Variants in SEC23B observed in about 807,000 individuals in gnomAD.
SEC23B encodes protein transport protein Sec23B.
In SEC23B, 77 loss-of-function variants were observed where a neutral mutation model predicts 104.3. The ratio of observed to expected loss-of-function variants is 0.74; its 90% CI spans 0.61 to 0.89. SEC23B has a LOEUF of 0.89. SEC23B is among the 40% of genes least tolerant of loss of function. The probability of loss-of-function intolerance (pLI) is 0.00; values close to 1 mark genes in which losing one functional copy is unlikely to be tolerated. For synonymous variants in SEC23B, 338 were observed against 332.5 expected, an observed-to-expected ratio of 1.02 and a Z score of -0.18; for missense variants, 885 against 949.4, an observed-to-expected ratio of 0.93 and a Z score of 0.89.
At chr20:18,523,222 G>T (rs1196818640) in intron 4 of SEC23B, among the ~76,000 whole-genome samples, 1 of 151,864 alleles carries the variant, frequency 6.6e-6, no homozygotes, top group Non-Finnish European at 1.5e-5. Flanking sequence ...TCAGCCCAGT[G>T]GGCCTCTTTG....
intron 7 of SEC23B, 91 bp downstream of exon 7, chr20:18,526,023 C>T (rs2060130981): frequency 7.2e-7 from 1 of 1,389,154 alleles, no homozygotes; most frequent in Non-Finnish European, 1.0e-6. Flanking sequence ...CACTTGTGAT[C>T]TAAGTCAACC....
At position 18,543,184 on chromosome 20, in the gene SEC23B, A is replaced by C. The variant is rs746268063; in HGVS notation, c.1665+12A>C. ...AACTCATCCGACTGGTAAATTGGGG[A>C]CAGTGGCATTAGGTTCAGTCTTGGT... On this transcript the variant is annotated intron_variant, in intron 14 of 19. Transcript: ENST00000650089. The C allele has an allele frequency of 6.2e-7, 1 of 1,614,060 alleles. No homozygotes were observed. The highest frequency in any genetic ancestry group is 1.3e-5 in the African/African-American group (1 of 74,922).
intron 6 of SEC23B, among the ~76,000 whole-genome samples, chr20:18,525,459 A>G (rs1301557363): frequency 1.3e-5 from 2 of 152,214 alleles, no homozygotes; most frequent in Non-Finnish European, 2.9e-5. Context: ...GTCCACATAA[A>G]TGGACCTCAC....
intron 19 of SEC23B, among the ~76,000 whole-genome samples, chr20:18,559,083 G>GA (rs1196931748): frequency 6.6e-6 from 1 of 151,352 alleles, no homozygotes; most frequent in Non-Finnish European, 1.5e-5. Flanking sequence ...TGGTTGGTGG[G>GA]GGGGGTGTCG....
chr20:18,532,862 A>G (rs1031214913), intron 11 of SEC23B, 118 bp downstream of exon 11: 1 of 761,262 alleles, frequency 1.3e-6, no homozygotes, highest in Admixed American at 2.0e-5. Context: ...TGACAGGAGA[A>G]GGGCTAACCC....
At chr20:18,508,586 C>T (rs1398015059) in intron 1 of SEC23B, among the ~76,000 whole-genome samples, 1 of 152,126 alleles carries the variant, frequency 6.6e-6, no homozygotes, top group African/African-American at 2.4e-5. Context: ...CTTCTATAGT[C>T]CCCTTGGATT....
chr20:18,512,538 T>C (rs564383325), intron 3 of SEC23B, among the ~76,000 whole-genome samples: 1 of 152,350 alleles, frequency 6.6e-6, no homozygotes, highest in Non-Finnish European at 1.5e-5. Flanking sequence ...ACACATTTTC[T>C]GTAGGCAGTG....
chr20:18,509,429 C>T (rs2059961831), intron 1 of SEC23B, among the ~76,000 whole-genome samples: 1 of 152,134 alleles, frequency 6.6e-6, no homozygotes, highest in South Asian at 2.1e-4. Flanking sequence ...CTTTAATTTG[C>T]CTTTTTACTA....
At chr20:18,554,475 AT>A in intron 18 of SEC23B, 85 bp downstream of exon 18, 1 of 1,480,546 alleles carries the variant, frequency 6.8e-7, no homozygotes, top group Non-Finnish European at 9.4e-7. Context: ...GATGGTTAAT[AT>A]TTTATGTGAT....
intron 10 of SEC23B, 25 bp from the exon 11 acceptor site, chr20:18,532,639 T>G: frequency 6.4e-7 from 1 of 1,558,422 alleles, no homozygotes. Context: ...ATCTTTAACT[T>G]TACACTGTCA....
intron 4 of SEC23B, among the ~76,000 whole-genome samples, chr20:18,520,470 C>T (rs910723784): frequency 2.0e-5 from 3 of 151,800 alleles, no homozygotes; most frequent in Non-Finnish European, 2.9e-5. Flanking sequence ...GAGGAGGATG[C>T]GAAGGAGGCT....
At chr20:18,535,374 C>A (rs1222024041) in intron 11 of SEC23B, among the ~76,000 whole-genome samples, 7 of 151,448 alleles carry the variant, frequency 4.6e-5, no homozygotes. Flanking sequence ...GAGACCATCT[C>A]AAAATAAATA....
intron 3 of SEC23B, 125 bp downstream of exon 3, chr20:18,512,407 A>G: frequency 3.1e-6 from 2 of 644,822 alleles, no homozygotes; most frequent in Non-Finnish European, 5.6e-6. Context: ...CAGGGTGATA[A>G]CTTTTGTTAA....
chr20:18,552,268 ACTC>A (rs1200002737), intron 17 of SEC23B, among the ~76,000 whole-genome samples: 14 of 152,160 alleles, frequency 9.2e-5, no homozygotes, highest in Non-Finnish European at 1.5e-4. Flanking sequence ...GTTTTCTAAT[ACTC>A]CTAAGTATTT....
intron 1 of SEC23B, chr20:18,509,607 T>C (rs1030656590): frequency 1.3e-5 from 2 of 152,210 alleles, no homozygotes; most frequent in African/African-American, 4.8e-5. Flanking sequence ...CATTTTTTTT[T>C]TGAAACAGAG....
Position 18,510,832 on chromosome 20 carries a change from G to T in SEC23B, c.-4G>T. 1 of 1,613,286 alleles carries T rather than the reference G, an allele frequency of 6.2e-7. No homozygotes were observed. On this transcript the variant is annotated 5_prime_UTR_variant, in exon 2 of 20. Transcript: ENST00000650089. ...AAGTTTTATCTTCAGTTCCCTTTTA[G>T]ACTATGGCGACATACCTGGAGTTCA...
intron 14 of SEC23B, among the ~76,000 whole-genome samples, 173 bp downstream of exon 14, chr20:18,543,345 T>C (rs2060306147): frequency 6.6e-6 from 1 of 152,212 alleles, no homozygotes; most frequent in Non-Finnish European, 1.5e-5. Flanking sequence ...CATTTTCCCC[T>C]CAGAGATTTA....
chr20:18,529,358 G>T (rs1219628716), intron 9 of SEC23B, among the ~76,000 whole-genome samples: 2 of 152,226 alleles, frequency 1.3e-5, no homozygotes, highest in Non-Finnish European at 2.9e-5. Flanking sequence ...AGCTTGGGGA[G>T]GAAGCTCCCA....
chr20:18,535,771 T>A (rs997565820), intron 12 of SEC23B, 29 bp downstream of exon 12: 4 of 1,504,816 alleles, frequency 2.7e-6, no homozygotes, highest in Non-Finnish European at 3.7e-6. Flanking sequence ...CATGTCTTCA[T>A]GTCTTAGTGT....
Sources: gnomAD v4.1 joint callset for allele counts (sites outside exome capture counted in the v4.1 genomes callset) on GRCh38, gnomAD v4.1.1 for gene constraint, MANE v1.5 for transcripts, NCBI Gene and HGNC (gene_info 2026-07-23, HGNC 2026-07-21) for gene names.